Variants in WDR64 observed in about 807,000 individuals in gnomAD.
The protein encoded by WDR64 is WD repeat-containing protein 64.
WDR64 carries 112 observed loss-of-function variants against 139.3 expected under a neutral mutation model. The ratio of observed to expected loss-of-function variants is 0.80; its 90% CI spans 0.69 to 0.94. The LOEUF (loss-of-function observed/expected upper bound fraction) is 0.94. Among genes scored for constraint, WDR64 ranks in the 40% least tolerant of loss-of-function variants. WDR64 has a pLI of 0.00. For missense variants in WDR64, 1,206 were observed against 1,293.1 expected (o/e 0.93, Z 1.03); for synonymous variants, 444 against 437.7 (o/e 1.01, Z -0.18).
At chr1:241,758,185 C>G (rs1670280691) in intron 15 of WDR64, among the ~76,000 whole-genome samples, 1 of 152,088 alleles carries the variant, frequency 6.6e-6, no homozygotes, top group African/African-American at 2.4e-5. Context: ...TTCCGCTGTA[C>G]TTCCTGCAAT....
intron 27 of WDR64, among the ~76,000 whole-genome samples, chr1:241,799,677 T>A (rs1659468703): frequency 6.6e-6 from 1 of 152,108 alleles, no homozygotes; most frequent in South Asian, 2.1e-4. Flanking sequence ...CTGGGATAAA[T>A]CCAGTCACTT....
Position 241,787,378 on chromosome 1 carries a change from AT to A in WDR64, c.2706-470del, listed in dbSNP as rs764268133. 7.7e-3 allele frequency among the ~76,000 whole-genome samples: 1,146 copies of A among 149,710 alleles called. 6 individuals are homozygous for A. The highest frequency in any genetic ancestry group is 0.014 in the Middle Eastern group (4 of 286). On this transcript the variant is annotated intron_variant, in intron 23 of 27. Coordinates refer to ENST00000437684, the MANE Select transcript of WDR64 (RefSeq NM_001367482.1). The stretch of plus-strand genomic sequence containing the variant: ...GACTCCTCAAAAAAAAAAAAAAAAA[AT>A]GTTGGCCGGACATGGTGGCTCATGC...
At chr1:241,728,130 C>T (rs1448476759) in intron 10 of WDR64, among the ~76,000 whole-genome samples, 5 of 152,012 alleles carry the variant, frequency 3.3e-5, no homozygotes, top group Non-Finnish European at 7.4e-5. Flanking sequence ...GTTAGGAGTT[C>T]GAGATCAGCC....
intron 10 of WDR64, among the ~76,000 whole-genome samples, chr1:241,731,543 A>G (rs542676353): frequency 1.3e-5 from 2 of 152,328 alleles, no homozygotes; most frequent in South Asian, 4.1e-4. Context: ...CAGTTATTGG[A>G]CGTGAATCAG....
chr1:241,751,811 AC>A (rs1473277931), intron 14 of WDR64, among the ~76,000 whole-genome samples: 1 of 152,244 alleles, frequency 6.6e-6, no homozygotes, highest in African/African-American at 2.4e-5. Context: ...GTCTATTAAT[AC>A]AACTTCATAG....
chr1:241,654,482 A>T (rs1188364232), intron 1 of WDR64, among the ~76,000 whole-genome samples: 1 of 152,212 alleles, frequency 6.6e-6, no homozygotes, highest in Non-Finnish European at 1.5e-5. Flanking sequence ...GCACTAGATT[A>T]ACACTGTTAG....
At chr1:241,676,119 G>A (rs189822536) in intron 4 of WDR64, 25 of 152,314 alleles carry the variant, frequency 1.6e-4, no homozygotes, top group African/African-American at 3.6e-4. Context: ...TCTTTCAGAA[G>A]TTGAAGTCAC....
chr1:241,678,432 A>G (rs1483853211), intron 5 of WDR64, among the ~76,000 whole-genome samples: 1 of 152,232 alleles, frequency 6.6e-6, no homozygotes, highest in Non-Finnish European at 1.5e-5. Context: ...CTGACTGCAG[A>G]GAATTGCTTG....
chr1:241,660,676 G>A lies in WDR64; in HGVS notation c.276+16G>A. On this transcript the variant is annotated intron_variant, in intron 2 of 27. Transcript: ENST00000437684. Reference sequence around the variant, plus strand: ...CTGGTGTGAGGTAGACTCATTTCATGTTCATAATATGAAATCCAGGTATTA... The same window carrying A: ...CTGGTGTGAGGTAGACTCATTTCATATTCATAATATGAAATCCAGGTATTA... The A allele has an allele frequency of 2.6e-6, 4 of 1,543,454 alleles. No individual in the cohort carries two copies. Among genetic ancestry groups the A allele is most frequent in the Non-Finnish European group, 2.6e-6 (3 of 1,143,414 alleles).
intron 16 of WDR64, among the ~76,000 whole-genome samples, 153 bp downstream of exon 16, chr1:241,766,504 C>G (rs1019778632): frequency 2.0e-5 from 3 of 152,308 alleles, no homozygotes; most frequent in Non-Finnish European, 2.9e-5. Flanking sequence ...AGTTCGAGAT[C>G]AGCCTTACCA....
chr1:241,700,447 C>T (rs569346195), intron 8 of WDR64, among the ~76,000 whole-genome samples: 1 of 152,134 alleles, frequency 6.6e-6, no homozygotes, highest in South Asian at 2.1e-4. Flanking sequence ...TCTGAAGAGA[C>T]AACATTTGAG....
intron 15 of WDR64, among the ~76,000 whole-genome samples, chr1:241,765,054 G>A (rs1406480523): frequency 6.6e-6 from 1 of 152,058 alleles, no homozygotes; most frequent in Non-Finnish European, 1.5e-5. Flanking sequence ...AGGCATGGTA[G>A]CACCCACCTG....
intron 14 of WDR64, among the ~76,000 whole-genome samples, chr1:241,753,163 CA>C (rs1204031416): frequency 5.9e-5 from 9 of 152,188 alleles, no homozygotes; most frequent in African/African-American, 2.2e-4. Context: ...CCTCATTTTG[CA>C]AATAAGAAAA....
At chr1:241,766,094 T>C in intron 15 of WDR64, 124 bp from the exon 16 acceptor site, 1 of 892,450 alleles carries the variant, frequency 1.1e-6, no homozygotes, top group Non-Finnish European at 1.6e-6. Flanking sequence ...TGCTCTGATA[T>C]TAAAAATATA....
chr1:241,781,226 T>C (rs1190636323), intron 22 of WDR64, among the ~76,000 whole-genome samples: 6 of 152,214 alleles, frequency 3.9e-5, no homozygotes, highest in Middle Eastern at 3.2e-3. Flanking sequence ...TATAGAATAA[T>C]ATTGAGTTAC....
rs1280024819 is a variant in WDR64, at chr1:241,657,472, G to A, written c.146-3058G>A. On this transcript the variant is annotated intron_variant, in intron 1 of 27. Transcript: ENST00000437684. ...CTGGTCTCACCTCACAGCATTTTCC[G>A]CAGTCCTCACTGTAGGTACCTCATA... Among the ~76,000 whole-genome samples the A allele has an allele frequency of 3.9e-5, 6 of 152,010 alleles. No individual in the cohort carries two copies. In the South Asian group the frequency reaches 6.2e-4, roughly 16 times the overall value.
rs763858582 is a variant in WDR64 at position 241,744,469 on chromosome 1, C to T, written c.1547C>T (p.Ala516Val). ...GGTTTCAATACTGAAGTGACTTCTG[C>T]AGCTGTCGATGAAAGTGGATTTCTT... ...PHGFNTEVTS[A>V]AVDESGFLFA... Residue 516 changes from alanine to valine, a missense_variant, in exon 13 of 28, where the codon GCA (alanine) becomes GTA (valine). Coordinates refer to ENST00000437684, the MANE Select transcript of WDR64 (RefSeq NM_001367482.1). 2 of 1,614,138 alleles carry T rather than the reference C, an allele frequency of 1.2e-6. No individual in the cohort carries two copies. Among genetic ancestry groups the T allele is most frequent in the South Asian group, 1.1e-5 (1 of 91,088 alleles).
intron 10 of WDR64, among the ~76,000 whole-genome samples, chr1:241,736,927 CAG>C (rs1178332132): frequency 6.6e-6 from 1 of 152,154 alleles, no homozygotes; most frequent in East Asian, 1.9e-4. Context: ...AGTTACAATT[CAG>C]AGTGTATATA....
intron 8 of WDR64, among the ~76,000 whole-genome samples, chr1:241,694,764 A>G (rs1158017747): frequency 6.6e-6 from 1 of 152,164 alleles, no homozygotes; most frequent in Non-Finnish European, 1.5e-5. Flanking sequence ...CAGGGCAAAC[A>G]TTTCCAGCAC....
Sources: gnomAD v4.1 joint callset for allele counts (sites outside exome capture counted in the v4.1 genomes callset) on GRCh38, gnomAD v4.1.1 for gene constraint, MANE v1.5 for transcripts, NCBI Gene and HGNC (gene_info 2026-07-23, HGNC 2026-07-21) for gene names.